LRRTM4: variants seen among roughly 807,000 people sequenced by gnomAD.
LRRTM4 encodes leucine rich repeat transmembrane neuronal 4, also known as leucine-rich repeat transmembrane neuronal protein 4.
In LRRTM4, 25 loss-of-function variants were observed where a neutral mutation model predicts 47.6. The ratio of observed to expected loss-of-function variants is 0.53; its 90% CI spans 0.38 to 0.73. The LOEUF is 0.73. Ranked by LOEUF, LRRTM4 falls within the 30% of genes least tolerant of loss-of-function variation. LRRTM4 has a pLI of 0.00. For missense variants in LRRTM4, 638 were observed against 713.4 expected, an observed-to-expected ratio of 0.89 and a Z score of 1.20; for synonymous variants, 311 against 269.5, an observed-to-expected ratio of 1.15 and a Z score of -1.51.
intron 3 of LRRTM4, among the ~76,000 whole-genome samples, chr2:76,796,127 A>G (rs1430706853): frequency 2.1e-5 from 3 of 141,578 alleles, no homozygotes; most frequent in Non-Finnish European, 4.7e-5. Flanking sequence ...AAAACGGCAC[A>G]CCACAAGATT....
intron 3 of LRRTM4, among the ~76,000 whole-genome samples, chr2:77,247,715 A>C (rs1267440317): frequency 6.6e-6 from 1 of 152,078 alleles, no homozygotes; most frequent in African/African-American, 2.4e-5. Context: ...CAACAGAAAA[A>C]TGTCATATTG....
intron 3 of LRRTM4, among the ~76,000 whole-genome samples, chr2:76,974,183 C>CATAT (rs1212091446): frequency 9.8e-6 from 1 of 102,432 alleles, no homozygotes; most frequent in African/African-American, 5.2e-5. Context: ...CATATATATA[C>CATAT]ATACATATAT....
chr2:76,938,899 T>C (rs1430064147), intron 3 of LRRTM4, among the ~76,000 whole-genome samples: 1 of 152,150 alleles, frequency 6.6e-6, no homozygotes, highest in Non-Finnish European at 1.5e-5. Flanking sequence ...TCTGTATATA[T>C]AGTGGTAAAC....
At chr2:77,478,435 T>C (rs1048790184) in intron 3 of LRRTM4, among the ~76,000 whole-genome samples, 7 of 152,232 alleles carry the variant, frequency 4.6e-5, no homozygotes, top group Admixed American at 1.3e-4. Context: ...CCTCATAGAC[T>C]ACCTAGAAAA....
At chr2:77,018,409 T>G (rs1678151523) in intron 3 of LRRTM4, among the ~76,000 whole-genome samples, 1 of 152,054 alleles carries the variant, frequency 6.6e-6, no homozygotes, top group South Asian at 2.1e-4. Context: ...TTTACATCCT[T>G]TCAGGGAAGA....
At chr2:77,061,470 A>G (rs531023029) in intron 3 of LRRTM4, among the ~76,000 whole-genome samples, 3 of 152,272 alleles carry the variant, frequency 2.0e-5, no homozygotes, top group Admixed American at 6.5e-5. Flanking sequence ...TGTGATACAG[A>G]AGCTTTCAAA....
At chr2:77,051,484 GC>G (rs1679430200) in intron 3 of LRRTM4, among the ~76,000 whole-genome samples, 1 of 152,114 alleles carries the variant, frequency 6.6e-6, no homozygotes, top group South Asian at 2.1e-4. Flanking sequence ...TCAGAAGAAA[GC>G]TTTTAGAATC....
At chr2:77,271,037 G>C (rs1676177982) in intron 3 of LRRTM4, among the ~76,000 whole-genome samples, 1 of 152,130 alleles carries the variant, frequency 6.6e-6, no homozygotes, top group Admixed American at 6.5e-5. Context: ...CCTGACTTCG[G>C]TGAAGAGACA....
intron 3 of LRRTM4, among the ~76,000 whole-genome samples, chr2:77,233,730 T>C (rs186637945): frequency 5.9e-5 from 9 of 152,286 alleles, no homozygotes; most frequent in Admixed American, 5.2e-4. Flanking sequence ...TTCCTATTCA[T>C]GAAACATTGC....
intron 3 of LRRTM4, among the ~76,000 whole-genome samples, chr2:76,870,519 GC>G (rs1300546507): frequency 1.3e-5 from 2 of 152,082 alleles, no homozygotes; most frequent in African/African-American, 2.4e-5. Flanking sequence ...AATATGTCAA[GC>G]TTAGGTATAT....
intron 1 of LRRTM4, 139 bp from the exon 2 acceptor site, chr2:77,521,957 G>C (rs893317850): frequency 1.6e-6 from 1 of 609,396 alleles, no homozygotes; most frequent in Non-Finnish European, 3.0e-6. Flanking sequence ...GATAGGGATG[G>C]GGGAGGGCCT....
At chr2:77,256,253 T>A (rs1054323463) in intron 3 of LRRTM4, among the ~76,000 whole-genome samples, 2 of 152,104 alleles carry the variant, frequency 1.3e-5, no homozygotes, top group Non-Finnish European at 2.9e-5. Flanking sequence ...TTGCCCAATA[T>A]CAATTAAGAA....
At chr2:77,145,855 A>C (rs963694417) in intron 3 of LRRTM4, among the ~76,000 whole-genome samples, 8 of 152,040 alleles carry the variant, frequency 5.3e-5, no homozygotes, top group Non-Finnish European at 1.0e-4. Context: ...AGGCAATAAT[A>C]GCTTGAGAGC....
At chr2:77,439,106 ATCAGAT>A (rs1675730347) in intron 3 of LRRTM4, among the ~76,000 whole-genome samples, 1 of 152,196 alleles carries the variant, frequency 6.6e-6, no homozygotes, top group South Asian at 2.1e-4. Context: ...GCTCAGAACC[ATCAGAT>A]TCAGTCTGAA....
In LRRTM4 at chr2:77,260,874, T is replaced by C. The variant is rs766940482; in HGVS notation, c.1551+257444A>G. On this transcript the variant is annotated intron_variant, in intron 3 of 3. Coordinates refer to ENST00000409884, the MANE Select transcript of LRRTM4 (RefSeq NM_001134745.3). ...TATGACGCTAGAATTGGCGACAATT[T>C]TAGAGTAATGATTCCAGGAGATGAA... is the stretch of plus-strand genomic sequence containing the variant. Among the ~76,000 whole-genome samples, 109 of 152,202 alleles carry C rather than the reference T, an allele frequency of 7.2e-4. 1 individual carries two copies. The highest frequency in any genetic ancestry group is 1.2e-3 in the South Asian group (6 of 4,834).
At chr2:76,906,987 C>A (rs1006144309) in intron 3 of LRRTM4, among the ~76,000 whole-genome samples, 2 of 151,942 alleles carry the variant, frequency 1.3e-5, no homozygotes, top group Non-Finnish European at 2.9e-5. Context: ...CAGCTCTGCA[C>A]CAAGCAGAAT....
intron 3 of LRRTM4, among the ~76,000 whole-genome samples, chr2:76,800,799 G>C (rs1434089661): frequency 6.8e-6 from 1 of 146,890 alleles, no homozygotes; most frequent in Non-Finnish European, 1.5e-5. Context: ...CGAAGGACAT[G>C]AACAGACACT....
At chr2:77,010,304 C>G (rs1381398107) in intron 3 of LRRTM4, among the ~76,000 whole-genome samples, 1 of 151,758 alleles carries the variant, frequency 6.6e-6, no homozygotes, top group Non-Finnish European at 1.5e-5. Context: ...CATCCCCTAG[C>G]CTTTAATGAC....
intron 3 of LRRTM4, among the ~76,000 whole-genome samples, chr2:76,781,605 G>C (rs1390729764): frequency 2.0e-5 from 3 of 152,236 alleles, no homozygotes. Context: ...GCCTCGCCCT[G>C]CTTCGGCTCG....
Sources: allele counts gnomAD v4.1 joint callset (sites outside exome capture counted in the v4.1 genomes callset), GRCh38; gene constraint gnomAD v4.1.1; transcripts MANE v1.5; gene names NCBI Gene and HGNC (gene_info 2026-07-23, HGNC 2026-07-21).